Variants in LRRC74B observed in about 807,000 individuals in gnomAD.
LRRC74B encodes the protein leucine-rich repeat-containing protein 74B.
Under a neutral mutation model 16.6 loss-of-function variants are expected in LRRC74B, and 30 were observed. The ratio of observed to expected loss-of-function variants is 1.80; its 90% CI spans 1.35 to 2.45. LRRC74B has a LOEUF of 2.45. Ranked by LOEUF, LRRC74B falls within the 30% of genes most tolerant of loss-of-function variation. The pLI is 0.00. For synonymous variants in LRRC74B, 134 were observed against 86.0 expected, an observed-to-expected ratio of 1.56 and a Z score of -3.09; for missense variants, 326 against 202.4, an observed-to-expected ratio of 1.61 and a Z score of -3.71.
At chr22:21,052,320 C>A (rs201221698) in exon 5 of LRRC74B, 4 of 717,488 alleles carry the variant, frequency 5.6e-6, no homozygotes. Context: ...GAATCACCTC[C>A]GGGGCCCAGG....
intron 7 of LRRC74B, among the ~76,000 whole-genome samples, chr22:21,056,132 C>G (rs1029223329): frequency 5.3e-5 from 8 of 152,214 alleles, no homozygotes; most frequent in African/African-American, 1.7e-4. Flanking sequence ...AGCTGCTACC[C>G]AGGACCAGAA....
At chr22:21,060,598 C>T (rs539226496), downstream of LRRC74B, 96 of 648,288 alleles carry the variant, frequency 1.5e-4, no homozygotes, top group African/African-American at 1.3e-3. Flanking sequence ...CTTTGACTCA[C>T]GAGGCCTTGT....
Position 21,056,701 on chromosome 22 carries a change from C to T in LRRC74B, c.928-404C>T, listed in dbSNP as rs545540897. The T allele has an allele frequency of 2.8e-4, 60 of 211,038 alleles. 1 individual carries two copies. Among genetic ancestry groups the T allele is most frequent in the Non-Finnish European group, 4.7e-4 (50 of 106,420 alleles). 13.1% of individuals were successfully genotyped at this position (211,038 alleles called of 1,614,324 possible). A position where few individuals can be genotyped will look rare whatever the true frequency, so the allele number is the denominator to read the frequency against. On this transcript the variant is annotated intron_variant, in intron 7 of 8. Coordinates refer to ENST00000442047, the Ensembl canonical transcript of LRRC74B. ...CTGTTCTTGCTGAAGTGTCCAGCTC[C>T]GGCCACCTCACCTGGGAAGCTCCGC...
chr22:21,049,849 T>G lies in LRRC74B; in HGVS notation c.622+692T>G, dbSNP rs565835125. On this transcript the variant is annotated intron_variant, in intron 4 of 8. Coordinates refer to ENST00000442047, the Ensembl canonical transcript of LRRC74B. ...ATCACTGTCATGCCCCTGAGCATAT[T>G]CAGGAGCTGTCTGCTTTGCCAGGAA... 1.1e-4 allele frequency among the ~76,000 whole-genome samples: 16 copies of G among 152,222 alleles called. No homozygotes were observed. The East Asian group carries it at 3.1e-3, about 29-fold the overall frequency.
In LRRC74B at chr22:21,047,509, A is replaced by G. The variant is rs1929561016; in HGVS notation, c.282+11A>G. On this transcript the variant is annotated intron_variant, in intron 2 of 8. Coordinates refer to ENST00000442047, the Ensembl canonical transcript of LRRC74B. ...GGCCTGGGGCCCCAGGTACCACTGG[A>G]GGGACACTGTATCCAGGCTTACGGG... 1.4e-6 allele frequency: 1 copy of G among 717,078 alleles called. No homozygotes were observed. Among genetic ancestry groups the G allele is most frequent in the African/African-American group, 1.7e-5 (1 of 57,250 alleles). The allele number at this position is 717,078 out of a possible 1,614,324, so 44.4% of individuals were successfully genotyped here.
chr22:21,057,503 G>A (rs1930605283), intron 8 of LRRC74B, among the ~76,000 whole-genome samples: 1 of 150,914 alleles, frequency 6.6e-6, no homozygotes, highest in Admixed American at 6.6e-5. Flanking sequence ...CGATCTGCAG[G>A]CGCAGCACCT....
At chr22:21,046,734 T>C (rs1408191582) in intron 1 of LRRC74B, among the ~76,000 whole-genome samples, 1 of 152,018 alleles carries the variant, frequency 6.6e-6, no homozygotes, top group South Asian at 2.1e-4. Context: ...TGCACTCTAG[T>C]GAGCCTTCTG....
intron 1 of LRRC74B, among the ~76,000 whole-genome samples, chr22:21,047,003 G>T (rs1040817739): frequency 6.6e-6 from 1 of 151,454 alleles, no homozygotes; most frequent in African/African-American, 2.4e-5. Context: ...TGAGGCAGGA[G>T]AATTGCTTGA....
exon 2 of LRRC74B, chr22:21,047,365 G>A (rs748292348): frequency 4.3e-5 from 31 of 717,166 alleles, no homozygotes; most frequent in Admixed American, 8.0e-5. Context: ...GGCACCGATG[G>A]GCTTGGAGAA....
intron 3 of LRRC74B, chr22:21,048,664 G>T: frequency 2.3e-6 from 1 of 437,626 alleles, no homozygotes; most frequent in Non-Finnish European, 4.2e-6. Context: ...ATCACTGCCA[G>T]ATGCAGCCAT....
At chr22:21,059,490 A>C (rs1284658687) in intron 8 of LRRC74B, among the ~76,000 whole-genome samples, 1 of 152,352 alleles carries the variant, frequency 6.6e-6, no homozygotes, top group East Asian at 1.9e-4. Flanking sequence ...TGAACCAGAA[A>C]GCGGAGGTTT....
downstream of LRRC74B, chr22:21,061,825 C>T (rs1930820312): frequency 6.6e-6 from 1 of 152,014 alleles, no homozygotes; most frequent in East Asian, 1.9e-4. Flanking sequence ...AAAATGCCCA[C>T]CAGTGGATAA....
upstream of LRRC74B, chr22:21,045,979 T>C (rs1399679886): frequency 1.4e-6 from 1 of 717,012 alleles, no homozygotes; most frequent in South Asian, 1.5e-5. Flanking sequence ...TGCGAGAGGG[T>C]CGTAACCATG....
chr22:21,060,280 A>G (rs1601824892), intron 8 of LRRC74B, 93 bp from the exon 9 acceptor site: 1 of 623,232 alleles, frequency 1.6e-6, no homozygotes, highest in East Asian at 2.8e-5. Flanking sequence ...AGCTGCCCGA[A>G]GGAGCTTCTC....
chr22:21,047,020 G>C (rs1306963359), intron 1 of LRRC74B, among the ~76,000 whole-genome samples: 1 of 151,642 alleles, frequency 6.6e-6, no homozygotes, highest in Non-Finnish European at 1.5e-5. Flanking sequence ...TTGAACCTGG[G>C]AGGCAGAGGT....
intron 5 of LRRC74B, among the ~76,000 whole-genome samples, chr22:21,052,988 C>T (rs1930190934): frequency 6.6e-6 from 1 of 152,198 alleles, no homozygotes; most frequent in Admixed American, 6.5e-5. Flanking sequence ...AGGTTTCATC[C>T]AACAGCTGTT....
chr22:21,049,645 T>C (rs1391695415), intron 4 of LRRC74B, among the ~76,000 whole-genome samples: 1 of 151,454 alleles, frequency 6.6e-6, no homozygotes, highest in African/African-American at 2.4e-5. Context: ...ATAGTGAGCA[T>C]GCGGGCCTGT....
intron 2 of LRRC74B, 63 bp downstream of exon 2, chr22:21,047,561 G>C: frequency 2.9e-6 from 2 of 699,554 alleles, no homozygotes; most frequent in Non-Finnish European, 5.3e-6. Flanking sequence ...CAGCAGCCAT[G>C]GGAGTGCCCC....
intron 6 of LRRC74B, 24 bp from the exon 7 acceptor site, chr22:21,055,074 A>G (rs1333477305): frequency 1.4e-6 from 1 of 716,228 alleles, no homozygotes. Flanking sequence ...TGCACAATGC[A>G]TGTGCCTGTT....
Sources: gnomAD v4.1 joint callset for allele counts (sites outside exome capture counted in the v4.1 genomes callset) on GRCh38, gnomAD v4.1.1 for gene constraint, MANE v1.5 for transcripts, NCBI Gene and HGNC (gene_info 2026-07-23, HGNC 2026-07-21) for gene names.